Variants in SLC24A3 observed in about 807,000 individuals in gnomAD.
The protein encoded by SLC24A3 is solute carrier family 24 member 3.
SLC24A3 carries 28 observed loss-of-function variants against 75.8 expected under a neutral mutation model. The observed-to-expected ratio is 0.37, with a 90% CI of 0.27 to 0.51. The LOEUF (loss-of-function observed/expected upper bound fraction) is 0.51. Among genes scored for constraint, SLC24A3 ranks in the 20% least tolerant of loss-of-function variants. The pLI is 0.94. For synonymous variants in SLC24A3, 372 were observed against 334.1 expected, an observed-to-expected ratio of 1.11 and a Z score of -1.24; for missense variants, 663 against 847.8, an observed-to-expected ratio of 0.78 and a Z score of 2.71.
Position 19,717,605 on chromosome 20 carries a change from G to C in SLC24A3, c.1785+12G>C, listed in dbSNP as rs1261724614. 6.2e-7 allele frequency: 1 copy of C among 1,614,040 alleles called. No individual in the cohort carries two copies. The highest frequency in any genetic ancestry group is 8.5e-7 in the Non-Finnish European group (1 of 1,179,920). The stretch of plus-strand genomic sequence containing the variant: ...CTGTTTTTGTCACGGTAGGTTGGCA[G>C]CTCTCTCCTCGTACTTGTGTTTGCC... On this transcript the variant is annotated intron_variant, in intron 16 of 16. Coordinates refer to ENST00000328041, the MANE Select transcript of SLC24A3 (RefSeq NM_020689.4).
intron 2 of SLC24A3, among the ~76,000 whole-genome samples, chr20:19,359,035 G>T (rs1195264757): frequency 1.3e-5 from 2 of 152,002 alleles, no homozygotes; most frequent in African/African-American, 4.8e-5. Context: ...TGGACATTTG[G>T]GTGTTTCCAC....
chr20:19,598,342 T>G (rs1309858900), intron 6 of SLC24A3, among the ~76,000 whole-genome samples: 3 of 152,134 alleles, frequency 2.0e-5, no homozygotes, highest in African/African-American at 4.8e-5. Flanking sequence ...CCTTTCCAGA[T>G]GGTGTGCAGA....
At chr20:19,715,005 A>G in intron 15 of SLC24A3, among the ~76,000 whole-genome samples, 1 of 152,196 alleles carries the variant, frequency 6.6e-6, no homozygotes, top group East Asian at 1.9e-4. Flanking sequence ...CCCTCTTAGA[A>G]GATATCTGTA....
intron 2 of SLC24A3, among the ~76,000 whole-genome samples, chr20:19,301,970 C>T (rs1375701055): frequency 1.3e-5 from 2 of 152,214 alleles, no homozygotes; most frequent in African/African-American, 2.4e-5. Context: ...GTAAAGGAAC[C>T]GGGCATTTGT....
At chr20:19,425,350 T>A (rs1469520873) in intron 2 of SLC24A3, among the ~76,000 whole-genome samples, 2 of 152,334 alleles carry the variant, frequency 1.3e-5, no homozygotes, top group Admixed American at 6.5e-5. Context: ...TTTATCTCTT[T>A]TAATGACCAG....
At chr20:19,677,819 A>C (rs1039854562) in intron 9 of SLC24A3, among the ~76,000 whole-genome samples, 1 of 151,714 alleles carries the variant, frequency 6.6e-6, no homozygotes, top group African/African-American at 2.4e-5. Flanking sequence ...AAGTGAACAA[A>C]GGTCTCTGGT....
chr20:19,680,043 A>G (rs1412289919), intron 9 of SLC24A3, among the ~76,000 whole-genome samples: 1 of 146,944 alleles, frequency 6.8e-6, no homozygotes, highest in Non-Finnish European at 1.5e-5. Context: ...ATGACTGGGC[A>G]TCTGTGTGTG....
intron 2 of SLC24A3, among the ~76,000 whole-genome samples, chr20:19,342,790 G>T (rs534571902): frequency 6.6e-6 from 1 of 152,154 alleles, no homozygotes; most frequent in African/African-American, 2.4e-5. Context: ...AGGCAGAAGC[G>T]CCGGGCACGG....
chr20:19,682,104 A>C, intron 10 of SLC24A3, 113 bp downstream of exon 10: 1 of 1,236,000 alleles, frequency 8.1e-7, no homozygotes, highest in African/African-American at 1.5e-5. Context: ...AATACAACAA[A>C]ATTAACCAGG....
rs371323222 is a variant in SLC24A3, at chr20:19,635,989, A to G, written c.613-18073A>G. ...CCCCGTCTCTGCTAAAAATACAAAA[A>G]ATTAGCCAGGCGTGGTGGCGGGCGC... On this transcript the variant is annotated intron_variant, in intron 6 of 16. Coordinates refer to ENST00000328041, the MANE Select transcript of SLC24A3 (RefSeq NM_020689.4). Among the ~76,000 whole-genome samples, 14 of 152,178 alleles carry G rather than the reference A, an allele frequency of 9.2e-5. 1 individual carries two copies. The highest frequency in any genetic ancestry group is 3.4e-4 in the African/African-American group (14 of 41,542).
rs114090738 is a variant in SLC24A3, at chr20:19,289,495, G to A, written c.271+8408G>A. Reference sequence around the variant, plus strand: ...CAGAGCTTATCTCACAGGCACCCCCGGAGCAGTGAGCAATGCACTCAACTG... The same window carrying A: ...CAGAGCTTATCTCACAGGCACCCCCAGAGCAGTGAGCAATGCACTCAACTG... On this transcript the variant is annotated intron_variant, in intron 2 of 16. Coordinates refer to ENST00000328041, the MANE Select transcript of SLC24A3 (RefSeq NM_020689.4). 5.5e-3 allele frequency among the ~76,000 whole-genome samples: 834 copies of A among 152,310 alleles called. 9 individuals carry two copies. Among genetic ancestry groups the A allele is most frequent in the African/African-American group, 0.019 (802 of 41,568 alleles).
chr20:19,270,986 G>A (rs1443469522), intron 1 of SLC24A3, among the ~76,000 whole-genome samples: 2 of 152,312 alleles, frequency 1.3e-5, no homozygotes, highest in Admixed American at 6.5e-5. Flanking sequence ...CAGAGGAAGC[G>A]GAGCCTGAGG....
At chr20:19,297,772 G>T (rs2122242258) in intron 2 of SLC24A3, among the ~76,000 whole-genome samples, 1 of 152,274 alleles carries the variant, frequency 6.6e-6, no homozygotes, top group African/African-American at 2.4e-5. Flanking sequence ...AACTTTTAAA[G>T]AGACTTTTGT....
intron 2 of SLC24A3, among the ~76,000 whole-genome samples, chr20:19,442,253 A>G (rs1034437598): frequency 6.6e-6 from 1 of 152,180 alleles, no homozygotes; most frequent in African/African-American, 2.4e-5. Flanking sequence ...ATCATATGGT[A>G]AAAGTATGCC....
chr20:19,599,366 T>G (rs1183880817), intron 6 of SLC24A3, among the ~76,000 whole-genome samples: 1 of 151,880 alleles, frequency 6.6e-6, no homozygotes, highest in Non-Finnish European at 1.5e-5. Context: ...GGACTGCGTG[T>G]ATGATGTGGT....
Position 19,713,725 on chromosome 20 carries a change from G to A in SLC24A3, c.1720-3803G>A, listed in dbSNP as rs912381224. ...GACCCAGCCCCCAATTATTCAGAAGGTATTACACACCAGGCCCTGTTCAAC... is the reference window on the plus strand; with the variant it reads ...GACCCAGCCCCCAATTATTCAGAAGATATTACACACCAGGCCCTGTTCAAC... On this transcript the variant is annotated intron_variant, in intron 15 of 16. Coordinates refer to ENST00000328041, the MANE Select transcript of SLC24A3 (RefSeq NM_020689.4). 2.0e-5 allele frequency among the ~76,000 whole-genome samples: 3 copies of A among 152,212 alleles called. No homozygotes were observed. In the South Asian group the frequency reaches 6.2e-4, roughly 32 times the overall value.
chr20:19,377,258 G>C (rs762920847), intron 2 of SLC24A3, among the ~76,000 whole-genome samples: 12 of 152,128 alleles, frequency 7.9e-5, no homozygotes, highest in Admixed American at 2.6e-4. Flanking sequence ...TTCTCTTTCT[G>C]ATTTGAAATG....
chr20:19,213,010 T>C (rs1981448381), intron 1 of SLC24A3, 26 bp downstream of exon 1: 1 of 1,238,976 alleles, frequency 8.1e-7, no homozygotes, highest in African/African-American at 1.5e-5. Flanking sequence ...CTGCCCCGAG[T>C]GGGCGCTGCG....
At chr20:19,262,844 T>C (rs1006737721) in intron 1 of SLC24A3, among the ~76,000 whole-genome samples, 11 of 151,978 alleles carry the variant, frequency 7.2e-5, no homozygotes, top group Non-Finnish European at 2.9e-5. Flanking sequence ...GTGTCTACCC[T>C]CTGTGAGATT....
Sources: gnomAD v4.1 joint callset for allele counts (sites outside exome capture counted in the v4.1 genomes callset) on GRCh38, gnomAD v4.1.1 for gene constraint, MANE v1.5 for transcripts, NCBI Gene and HGNC (gene_info 2026-07-23, HGNC 2026-07-21) for gene names.